The following ARRB1 variants were observed in gnomAD, a reference collection of about 807,000 sequenced individuals.
The protein encoded by ARRB1 is beta-arrestin-1.
In ARRB1, 21 loss-of-function variants were observed where a neutral mutation model predicts 56.8. That is an observed-to-expected ratio of 0.37 (90% confidence interval 0.26 to 0.53). ARRB1 has a LOEUF of 0.53. Among genes scored for constraint, ARRB1 ranks in the 20% least tolerant of loss-of-function variants. The pLI, the probability that ARRB1 is intolerant of heterozygous loss-of-function variation, is 0.88. For synonymous variants in ARRB1, 210 were observed against 218.6 expected (o/e 0.96, Z 0.35); for missense variants, 424 against 553.7 (o/e 0.77, Z 2.35).
In ARRB1 at chr11:75,260,617, C is replaced by A. The variant is rs1438750068; in HGVS notation, c.*5546G>T. The A allele has an allele frequency of 6.6e-6, 1 of 152,268 alleles. No homozygotes were observed. 9.4% of individuals were successfully genotyped at this position (152,268 alleles called of 1,614,324 possible). A position where few individuals can be genotyped will look rare whatever the true frequency, so the allele number is the denominator to read the frequency against. On this transcript the variant is annotated 3_prime_UTR_variant, in exon 16 of 16. Transcript: ENST00000420843. The stretch of plus-strand genomic sequence containing the variant: ...CCCAGTGAGGTGGGAAGAGCCTGGA[C>A]TAGCCCCATTTTGCACACAGGGAAA...
intron 1 of ARRB1, among the ~76,000 whole-genome samples, chr11:75,320,845 T>C (rs1947338485): frequency 6.6e-6 from 1 of 152,178 alleles, no homozygotes; most frequent in African/African-American, 2.4e-5. Context: ...CCCAGACCAC[T>C]GGGCGCTGGG....
intron 1 of ARRB1, among the ~76,000 whole-genome samples, chr11:75,319,075 T>A (rs1472770588): frequency 6.6e-6 from 1 of 152,022 alleles, no homozygotes; most frequent in East Asian, 1.9e-4. Flanking sequence ...TTACCCCGGG[T>A]CCCAGCCAGG....
At chr11:75,319,180 T>A (rs536197737) in intron 1 of ARRB1, among the ~76,000 whole-genome samples, 1 of 152,036 alleles carries the variant, frequency 6.6e-6, no homozygotes, top group Non-Finnish European at 1.5e-5. Flanking sequence ...TCAAACCCCA[T>A]AACCTGCTCG....
chr11:75,322,380 C>A (rs1947360281), intron 1 of ARRB1, among the ~76,000 whole-genome samples: 1 of 152,184 alleles, frequency 6.6e-6, no homozygotes, highest in African/African-American at 2.4e-5. Flanking sequence ...GTGGCACATG[C>A]CTGTAATCCC....
At chr11:75,323,480 C>G (rs562085137) in intron 1 of ARRB1, among the ~76,000 whole-genome samples, 1 of 151,988 alleles carries the variant, frequency 6.6e-6, no homozygotes, top group African/African-American at 2.4e-5. Context: ...ATTAGCCAGG[C>G]GTGGTGGTGC....
At chr11:75,340,023 T>A (rs1391159098) in intron 1 of ARRB1, among the ~76,000 whole-genome samples, 1 of 152,170 alleles carries the variant, frequency 6.6e-6, no homozygotes, top group African/African-American at 2.4e-5. Context: ...AGCTGCTCCA[T>A]AAATCCCCTT....
At chr11:75,288,017 C>A (rs1036692107) in intron 2 of ARRB1, among the ~76,000 whole-genome samples, 1 of 152,128 alleles carries the variant, frequency 6.6e-6, no homozygotes, top group Non-Finnish European at 1.5e-5. Context: ...CATGCACCAC[C>A]ACACGCAGCT....
intron 8 of ARRB1, among the ~76,000 whole-genome samples, 153 bp from the exon 9 acceptor site, chr11:75,277,601 C>T (rs1345160812): frequency 2.0e-5 from 3 of 152,264 alleles, no homozygotes; most frequent in East Asian, 1.9e-4. Flanking sequence ...AAGTCCATCA[C>T]ATCCCTCAGG....
chr11:75,285,801 C>G (rs758500721), intron 3 of ARRB1, among the ~76,000 whole-genome samples: 1 of 152,134 alleles, frequency 6.6e-6, no homozygotes, highest in African/African-American at 2.4e-5. Context: ...CTGCCCCTGT[C>G]CTCTCCCAGT....
intron 1 of ARRB1, among the ~76,000 whole-genome samples, chr11:75,326,224 G>A (rs992523955): frequency 4.6e-5 from 7 of 152,172 alleles, no homozygotes; most frequent in African/African-American, 1.7e-4. Flanking sequence ...GAGGATGTGC[G>A]AGAGCTCCTG....
In ARRB1 at chr11:75,268,610, G is replaced by A. The variant is rs145632010; in HGVS notation, c.1093+279C>T. 1.7e-3 allele frequency among the ~76,000 whole-genome samples: 261 copies of A among 151,452 alleles called. 1 individual carries two copies. Among genetic ancestry groups the A allele is most frequent in the Admixed American group, 3.5e-3 (53 of 15,194 alleles). On this transcript the variant is annotated intron_variant, in intron 14 of 15. Coordinates refer to ENST00000420843, the MANE Select transcript of ARRB1 (RefSeq NM_004041.5). ...GCAGCCCCTTCCCCTACTTCCAAAC[G>A]GGATCCAGCCCATGCCTGGGTGCAA...
At chr11:75,338,267 C>T (rs1947641023) in intron 1 of ARRB1, among the ~76,000 whole-genome samples, 1 of 152,068 alleles carries the variant, frequency 6.6e-6, no homozygotes, top group Non-Finnish European at 1.5e-5. Context: ...AACAGGATGG[C>T]TTGGAGGGTT....
chr11:75,349,786 G>A lies in ARRB1; in HGVS notation c.20+1802C>T, dbSNP rs762498104. On this transcript the variant is annotated intron_variant, in intron 1 of 15. Coordinates refer to ENST00000420843, the MANE Select transcript of ARRB1 (RefSeq NM_004041.5). Reference sequence around the variant, plus strand: ...ACAGTGCTGGCCAGCCAGCTGCAATGGGGACTAGCCATCAAGGTTCATGCA... The same window carrying A: ...ACAGTGCTGGCCAGCCAGCTGCAATAGGGACTAGCCATCAAGGTTCATGCA... Among the ~76,000 whole-genome samples, 28 of 152,244 alleles carry A rather than the reference G, an allele frequency of 1.8e-4. 1 individual carries two copies. Among genetic ancestry groups the A allele is most frequent in the Non-Finnish European group, 2.6e-4 (18 of 68,036 alleles).
intron 3 of ARRB1, among the ~76,000 whole-genome samples, chr11:75,286,676 A>G (rs1946486535): frequency 6.6e-6 from 1 of 152,188 alleles, no homozygotes; most frequent in South Asian, 2.1e-4. Flanking sequence ...GGCCACACTA[A>G]CAAAGAACTA....
intron 6 of ARRB1, 191 bp downstream of exon 6, chr11:75,281,771 C>T: frequency 3.2e-6 from 2 of 616,260 alleles, no homozygotes; most frequent in Non-Finnish European, 5.7e-6. Flanking sequence ...GAGAGTGAGG[C>T]TGACCCCGTA....
intron 4 of ARRB1, among the ~76,000 whole-genome samples, chr11:75,284,028 G>A (rs1767141587): frequency 6.6e-6 from 1 of 152,204 alleles, no homozygotes; most frequent in Admixed American, 6.5e-5. Context: ...ATATTGATGT[G>A]AAAGTGCTCA....
At position 75,266,243 on chromosome 11, in the gene ARRB1, G is replaced by T. The variant is rs757602765; in HGVS notation, c.1177C>A (p.Arg393Ser). 1 of 1,614,118 alleles carries T rather than the reference G, an allele frequency of 6.2e-7. No individual in the cohort carries two copies. The highest frequency in any genetic ancestry group is 1.7e-5 in the Admixed American group (1 of 60,010). The change falls in exon 16 of 16, where the codon CGC (arginine) becomes AGC (serine). Residue 393 changes from arginine to serine, a missense_variant. Arg to Ser is a moderately radical substitution (Grantham distance 110). This residue lies in a region of ARRB1 where 121 missense variants were observed against 147.3 expected (regional missense o/e 0.82). Transcript: ENST00000420843. ...TCCTTCATGCCTTTCAGTCTCTGGC[G>T]AGCAAAGTCCTCAAATACAATGTCG... is the stretch of plus-strand genomic sequence containing the variant. ...DDDIVFEDFARQRLKGMKDDK... is the reference protein window; with the variant it reads ...DDDIVFEDFASQRLKGMKDDK...
At position 75,295,246 on chromosome 11, in the gene ARRB1, A is replaced by C. The variant is rs1243207939; in HGVS notation, c.21-5207T>G. ...CAAAAAAAAAAAAAAAAAAAAAAAA[A>C]CACACACACCCAACATATTATCTTA... On this transcript the variant is annotated intron_variant, in intron 1 of 15. Transcript: ENST00000420843. Among the ~76,000 whole-genome samples the C allele has an allele frequency of 8.4e-5, 9 of 107,674 alleles. No individual in the cohort carries two copies. In the South Asian group the frequency reaches 9.1e-4, roughly 11 times the overall value. The allele number at this position is 107,674 out of a possible 152,430, so 70.6% of individuals were successfully genotyped here. A position where few individuals can be genotyped will look rare whatever the true frequency, so the allele number is the denominator to read the frequency against.
At chr11:75,268,794 C>G in intron 14 of ARRB1, 95 bp downstream of exon 14, 6 of 1,378,058 alleles carry the variant, frequency 4.4e-6, no homozygotes, top group Non-Finnish European at 6.0e-6. Context: ...AAAAGGGTGA[C>G]TGGGCTGAGG....
Sources: allele counts gnomAD v4.1 joint callset (sites outside exome capture counted in the v4.1 genomes callset), GRCh38; gene constraint gnomAD v4.1.1; regional missense constraint gnomAD v4.1.1; transcripts MANE v1.5; gene names NCBI Gene and HGNC (gene_info 2026-07-23, HGNC 2026-07-21).